The following OR9I1 variants were observed in gnomAD, a reference collection of about 807,000 sequenced individuals.
The protein encoded by OR9I1 is olfactory receptor 9I1.
Under a neutral mutation model 11.2 loss-of-function variants are expected in OR9I1, and 7 were observed. The observed-to-expected ratio is 0.62, with a 90% CI of 0.36 to 1.17. The LOEUF (loss-of-function observed/expected upper bound fraction) is 1.17, where lower values mean the gene tolerates loss of function less well. Ranked by LOEUF, OR9I1 falls within the 50% of genes most tolerant of loss-of-function variation. The pLI is 0.02. For missense variants in OR9I1, 428 were observed against 377.2 expected (o/e 1.13, Z -1.12); for synonymous variants, 165 against 153.4 (o/e 1.08, Z -0.56).
rs1853970659 is a variant in OR9I1 at position 58,117,691 on chromosome 11, G to C, written c.*809C>G. 6.6e-6 allele frequency: 1 copy of C among 152,182 alleles called. No individual in the cohort carries two copies. Among genetic ancestry groups the C allele is most frequent in the East Asian group, 1.9e-4 (1 of 5,180 alleles). 9.4% of individuals were successfully genotyped at this position (152,182 alleles called of 1,614,324 possible). A position where few individuals can be genotyped will look rare whatever the true frequency, so the allele number is the denominator to read the frequency against. On this transcript the variant is annotated 3_prime_UTR_variant, in exon 3 of 3. Transcript: ENST00000641439. ...GCTCTTCCTGGAAATGGGTTGCTTG[G>C]TAGGAGAGAACTGTTCCTGAGACAC...
intron 2 of OR9I1, 145 bp from the exon 3 acceptor site, chr11:58,119,611 A>C (rs910283049): frequency 6.8e-6 from 4 of 586,358 alleles, no homozygotes; most frequent in Non-Finnish European, 1.2e-5. Context: ...TTCCTTGGGC[A>C]TCTCTTGCAT....
intron 1 of OR9I1, among the ~76,000 whole-genome samples, chr11:58,124,868 A>C (rs534539354): frequency 2.0e-5 from 3 of 152,264 alleles, no homozygotes; most frequent in Admixed American, 2.0e-4. Flanking sequence ...TGATCACAAT[A>C]CTATGCATTG....
At position 58,118,840 on chromosome 11, in the gene OR9I1, A is replaced by G. The variant is rs760508966; in HGVS notation, c.605T>C (p.Phe202Ser). The change falls in exon 3 of 3, where the codon TTT becomes TCT. Residue 202 changes from phenylalanine (F) to serine (S), a missense_variant. Coordinates refer to ENST00000641439, the MANE Select transcript of OR9I1 (RefSeq NM_001005211.2). ...ATTGGCCAAAATCACAAAATTGCCAAAGAAGATGATGACAATCTCGATGTT... is the reference window on the plus strand; with the variant it reads ...ATTGGCCAAAATCACAAAATTGCCAGAGAAGATGATGACAATCTCGATGTT... The part of the protein sequence containing the change: ...TANIEIVIIF[F>S]GNFVILANAS... The G allele has an allele frequency of 1.9e-5, 31 of 1,613,946 alleles. No individual in the cohort carries two copies. Among genetic ancestry groups the G allele is most frequent in the South Asian group, 3.3e-5 (3 of 91,084 alleles).
intron 2 of OR9I1, among the ~76,000 whole-genome samples, chr11:58,120,165 T>A (rs1342328310): frequency 6.6e-6 from 1 of 152,158 alleles, no homozygotes; most frequent in Non-Finnish European, 1.5e-5. Context: ...CATATTGCAT[T>A]TTATATTTTT....
rs750134361 is a variant in OR9I1 at position 58,118,929 on chromosome 11, A to G, written c.516T>C (p.Asn172=). ...CTFTLSFCKD[N]QINFFFCDLP... ...GGTCACAGAAGAAGAAGTTTATTTG[A>G]TTGTCCTTACAGAAGGAGAGGGTGA... The change falls in exon 3 of 3, where the codon AAT becomes AAC. Residue 172 remains asparagine (N), a synonymous_variant. Coordinates refer to ENST00000641439, the MANE Select transcript of OR9I1 (RefSeq NM_001005211.2). 2.5e-6 allele frequency: 4 copies of G among 1,613,876 alleles called. No homozygotes were observed. The highest frequency in any genetic ancestry group is 3.4e-6 in the Non-Finnish European group (4 of 1,179,994).
In OR9I1 at chr11:58,117,550, G is replaced by A. The variant is rs560066731; in HGVS notation, c.*950C>T. ...GTGAAGAAAACATTCTGTTCTCAAG[G>A]GTTTTACAGTCTGGTACAGGAGTCA... On this transcript the variant is annotated 3_prime_UTR_variant, in exon 3 of 3. Transcript: ENST00000641439. The A allele has an allele frequency of 1.1e-4, 17 of 152,250 alleles. No homozygotes were observed. Among genetic ancestry groups the A allele is most frequent in the African/African-American group, 4.1e-4 (17 of 41,524 alleles). 9.4% of individuals were successfully genotyped at this position (152,250 alleles called of 1,614,324 possible).
Position 58,119,174 on chromosome 11 carries a change from C to T in OR9I1, c.271G>A (p.Val91Ile). 6.2e-7 allele frequency: 1 copy of T among 1,614,030 alleles called. No individual in the cohort carries two copies. Among genetic ancestry groups the T allele is most frequent in the Non-Finnish European group, 8.5e-7 (1 of 1,179,996 alleles). The change falls in exon 3 of 3, where the codon GTC (valine) becomes ATC (isoleucine). Residue 91 changes from valine (V) to isoleucine (I), a missense_variant. By Grantham distance (29) the Val-to-Ile change is conservative. Coordinates refer to ENST00000641439, the MANE Select transcript of OR9I1 (RefSeq NM_001005211.2). ...GCAGCACAGTGGCCGTAGGAGATGA[C>T]CGTTTTGCCTGTGGCCAATGTGGCT... is the stretch of plus-strand genomic sequence containing the variant. ...ILATLATGKT[V>I]ISYGHCAAQF...
At chr11:58,121,943 G>C (rs926836619) in intron 2 of OR9I1, among the ~76,000 whole-genome samples, 10 of 152,266 alleles carry the variant, frequency 6.6e-5, no homozygotes, top group African/African-American at 2.4e-4. Context: ...AGAGGTTAAT[G>C]ACTTGTCCAA....
At chr11:58,121,031 G>C (rs1184998185) in intron 2 of OR9I1, among the ~76,000 whole-genome samples, 2 of 151,708 alleles carry the variant, frequency 1.3e-5, no homozygotes, top group Non-Finnish European at 2.9e-5. Flanking sequence ...AGTAATTTGT[G>C]TTTCTCTATT....
Position 58,117,938 on chromosome 11 carries a change from A to T in OR9I1, c.*562T>A, listed in dbSNP as rs1395869088. 6.6e-6 allele frequency: 1 copy of T among 152,326 alleles called. No individual in the cohort carries two copies. The highest frequency in any genetic ancestry group is 2.4e-5 in the African/African-American group (1 of 41,456). The allele number at this position is 152,326 out of a possible 1,614,324, so 9.4% of individuals were successfully genotyped here. The stretch of plus-strand genomic sequence containing the variant: ...GGAAGACACTCTAAGCGGGTGACAC[A>T]AGTCTCTTCTGAAGAGAGAAGTTCA... On this transcript the variant is annotated 3_prime_UTR_variant, in exon 3 of 3. Coordinates refer to ENST00000641439, the MANE Select transcript of OR9I1 (RefSeq NM_001005211.2).
In OR9I1 at chr11:58,125,508, A is replaced by C. The variant is rs917882661; in HGVS notation, c.-459T>G. 1.3e-5 allele frequency: 2 copies of C among 152,214 alleles called. No homozygotes were observed. The highest frequency in any genetic ancestry group is 2.9e-5 in the Non-Finnish European group (2 of 68,042). 9.4% of individuals were successfully genotyped at this position (152,214 alleles called of 1,614,324 possible). A position where few individuals can be genotyped will look rare whatever the true frequency, so the allele number is the denominator to read the frequency against. On this transcript the variant is annotated 5_prime_UTR_variant, in exon 1 of 3. Transcript: ENST00000641439. The stretch of plus-strand genomic sequence containing the variant: ...AAGGTTGTTTAAGCATTTTGTAGAA[A>C]GCAGCTAAGATTGCTCAAATAGACG...
At chr11:58,119,921 C>A (rs887687138) in intron 2 of OR9I1, among the ~76,000 whole-genome samples, 1 of 152,166 alleles carries the variant, frequency 6.6e-6, no homozygotes, top group Non-Finnish European at 1.5e-5. Context: ...CTTCTAGATA[C>A]AGCAATTTTA....
At chr11:58,121,000 C>G (rs1429417865) in intron 2 of OR9I1, among the ~76,000 whole-genome samples, 1 of 151,826 alleles carries the variant, frequency 6.6e-6, no homozygotes, top group African/African-American at 2.4e-5. Flanking sequence ...TATATTTTGA[C>G]TACGGGTTGA....
At chr11:58,119,832 C>T (rs1201510159) in intron 2 of OR9I1, among the ~76,000 whole-genome samples, 1 of 152,142 alleles carries the variant, frequency 6.6e-6, no homozygotes, top group Non-Finnish European at 1.5e-5. Flanking sequence ...CATCTGCAAA[C>T]AGTTCCACCT....
intron 2 of OR9I1, among the ~76,000 whole-genome samples, chr11:58,123,584 C>T (rs1419963079): frequency 6.6e-6 from 1 of 152,156 alleles, no homozygotes; most frequent in Non-Finnish European, 1.5e-5. Context: ...ATAGCTATGA[C>T]TATTTTATGG....
In OR9I1 at chr11:58,124,537, T is replaced by G. The variant is rs555236342; in HGVS notation, c.-122A>C. 6.6e-6 allele frequency: 1 copy of G among 152,330 alleles called. No homozygotes were observed. The highest frequency in any genetic ancestry group is 2.1e-4 in the South Asian group (1 of 4,830). The allele number at this position is 152,330 out of a possible 1,614,324, so 9.4% of individuals were successfully genotyped here. A position where few individuals can be genotyped will look rare whatever the true frequency, so the allele number is the denominator to read the frequency against. On this transcript the variant is annotated 5_prime_UTR_variant, in exon 2 of 3. Transcript: ENST00000641439. ...CTCAACAAAGTTAATGTTTCTCACC[T>G]TACTGAAATCAGTGTCTTGAAATAT...
At position 58,118,660 on chromosome 11, in the gene OR9I1, C is replaced by T. The variant is rs772363455; in HGVS notation, c.785G>A (p.Ser262Asn). The change falls in exon 3 of 3, where the codon AGT becomes AAT. Residue 262 changes from serine to asparagine, a missense_variant. Physicochemically the swap from Ser to Asn is conservative, Grantham distance 46 (BLOSUM62 1). Transcript: ENST00000641439. Reference sequence around the variant, plus strand: ...TTCCTCCAGAGATTTGCCTGAGCCACTTTGCAGATACATGAAGATAAGGGC... The same window carrying T: ...TTCCTCCAGAGATTTGCCTGAGCCATTTTGCAGATACATGAAGATAAGGGC... ...FGALIFMYLQ[S>N]GSGKSLEEDK... The T allele has an allele frequency of 8.7e-6, 14 of 1,614,000 alleles. No homozygotes were observed. The highest frequency in any genetic ancestry group is 1.2e-5 in the Non-Finnish European group (14 of 1,179,990).
chr11:58,120,827 T>C (rs569096116), intron 2 of OR9I1, among the ~76,000 whole-genome samples: 53 of 145,110 alleles, frequency 3.7e-4, no homozygotes, highest in South Asian at 3.6e-3. Context: ...TATATATATA[T>C]ACATATATTC....
At position 58,118,570 on chromosome 11, in the gene OR9I1, A is replaced by G; in HGVS notation, c.875T>C (p.Leu292Ser). ...IPMLNPLIYS[L>S]RNKDVKDAFR... ...GGCGTCTTTTACATCTTTGTTTCTTAAGCTGTAGATCAGAGGGTTCAGCAT... is the reference window on the plus strand; with the variant it reads ...GGCGTCTTTTACATCTTTGTTTCTTGAGCTGTAGATCAGAGGGTTCAGCAT... The change falls in exon 3 of 3, where the codon TTA becomes TCA. Residue 292 changes from leucine (L) to serine (S), a missense_variant. Coordinates refer to ENST00000641439, the MANE Select transcript of OR9I1 (RefSeq NM_001005211.2). 1.9e-6 allele frequency: 3 copies of G among 1,613,900 alleles called. No individual in the cohort carries two copies. Among genetic ancestry groups the G allele is most frequent in the Non-Finnish European group, 2.5e-6 (3 of 1,179,920 alleles).
Sources: gnomAD v4.1 joint callset for allele counts (sites outside exome capture counted in the v4.1 genomes callset) on GRCh38, gnomAD v4.1.1 for gene constraint, MANE v1.5 for transcripts, NCBI Gene and HGNC (gene_info 2026-07-23, HGNC 2026-07-21) for gene names.